Variants in PLAGL1 observed in about 807,000 individuals in gnomAD.
PLAGL1 encodes PLAG1 like zinc finger 1.
A neutral mutation model predicts 4.6 loss-of-function variants in PLAGL1; 1 was observed. The observed-to-expected ratio is 0.22, with a 90% confidence interval of 0.08 to 1.03. PLAGL1 has a LOEUF of 1.03. Among genes scored for constraint, PLAGL1 ranks in the 50% least tolerant of loss-of-function variants. The pLI is 0.58. For synonymous variants in PLAGL1, 240 were observed against 237.8 expected, an observed-to-expected ratio of 1.01 and a Z score of -0.08; for missense variants, 464 against 570.4, an observed-to-expected ratio of 0.81 and a Z score of 1.90.
At chr6:143,988,454 G>A (rs1362172628) in intron 1 of PLAGL1, among the ~76,000 whole-genome samples, 1 of 152,200 alleles carries the variant, frequency 6.6e-6, no homozygotes, top group African/African-American at 2.4e-5. Context: ...AGGTTCTGGA[G>A]GAGGAAACCA....
chr6:144,022,421 A>G lies in PLAGL1; in HGVS notation c.-151+42047T>C, dbSNP rs1210645434. On this transcript the variant is annotated intron_variant, in intron 1 of 3. Transcript: ENST00000437412. This position sits in a 1 kb window ranked among gnomAD's most constrained non-coding sequence, Gnocchi z 4.2. ...TAACAAGGATGCAGAGCAACAATCC[A>G]TCATTGGTGATGGGAATGCAAAATG... is the stretch of plus-strand genomic sequence containing the variant. Among the ~76,000 whole-genome samples the G allele has an allele frequency of 6.6e-6, 1 of 152,260 alleles. No individual in the cohort carries two copies. The highest frequency in any genetic ancestry group is 2.4e-5 in the African/African-American group (1 of 41,474).
intron 1 of PLAGL1, among the ~76,000 whole-genome samples, chr6:144,021,874 A>G (rs1424284008): frequency 6.6e-6 from 1 of 152,258 alleles, no homozygotes; most frequent in East Asian, 1.9e-4. Context: ...TCAGGTAGTC[A>G]TGGAATCATA....
upstream of PLAGL1, among the ~76,000 whole-genome samples, chr6:144,011,532 G>A (rs1795183433): frequency 6.6e-6 from 1 of 152,058 alleles, no homozygotes; most frequent in Non-Finnish European, 1.5e-5. This position sits in a 1 kb window ranked among gnomAD's most constrained non-coding sequence, Gnocchi z 4.3. Context: ...AGTTATTCTA[G>A]ATCAATTTTT....
chr6:144,042,042 T>C (rs960534388), intron 1 of PLAGL1, among the ~76,000 whole-genome samples: 1 of 152,220 alleles, frequency 6.6e-6, no homozygotes, highest in Non-Finnish European at 1.5e-5. Context: ...TTTTTTCTTG[T>C]AAATTTGAGT....
At chr6:143,956,341 G>C (rs908385098) in intron 6 of PLAGL1, among the ~76,000 whole-genome samples, 2 of 152,164 alleles carry the variant, frequency 1.3e-5, no homozygotes, top group Non-Finnish European at 2.9e-5. Context: ...GCAGCCTTGT[G>C]GGGGCATGGA....
rs148574153 is a variant in PLAGL1, at chr6:144,062,592, T to A, written c.-151+1876A>T. On this transcript the variant is annotated intron_variant, in intron 1 of 3. Coordinates refer to the PLAGL1 transcript ENST00000437412. ...CCTGTTTTTGCCTCCCTTGGATGCT[T>A]TTCCCCCCAAACCTAGGGAGCTGCC... 2.5e-3 allele frequency among the ~76,000 whole-genome samples: 386 copies of A among 152,130 alleles called. 3 individuals carry two copies. Among genetic ancestry groups the A allele is most frequent in the African/African-American group, 8.9e-3 (371 of 41,494 alleles).
chr6:143,957,252 C>G lies in PLAGL1; in HGVS notation c.-325+3217G>C, dbSNP rs548849890. Among the ~76,000 whole-genome samples the G allele has an allele frequency of 1.6e-3, 243 of 152,306 alleles. No homozygotes were observed. The highest frequency in any genetic ancestry group is 2.7e-3 in the Non-Finnish European group (187 of 68,030). ...GGTTCTCAAGCTGAGATGGGACTGC[C>G]TTGTTTGAAGAGGACTATTTATGAA... On this transcript the variant is annotated intron_variant, in intron 6 of 7. Coordinates refer to ENST00000674357, the MANE Select transcript of PLAGL1 (RefSeq NM_001317162.2). The surrounding 1 kb of genome is among the most constrained non-coding windows in gnomAD (Gnocchi z 4.2).
At chr6:144,037,319 T>C (rs1190715398) in intron 1 of PLAGL1, 1 of 152,852 alleles carries the variant, frequency 6.5e-6, no homozygotes, top group Non-Finnish European at 1.5e-5. Context: ...GGCTCACATC[T>C]GTAATCCCAA....
chr6:144,039,294 T>G lies in PLAGL1; in HGVS notation c.-151+25174A>C, dbSNP rs1341813897. ...CATCAGATAATGAAATTTTAAAATA[T>G]CACATGCTGGCCAGATGCAGTGGCT... is the stretch of plus-strand genomic sequence containing the variant. On this transcript the variant is annotated intron_variant, in intron 1 of 3. Coordinates refer to the PLAGL1 transcript ENST00000437412. This position sits in a 1 kb window ranked among gnomAD's most constrained non-coding sequence, Gnocchi z 4.1. 6.6e-6 allele frequency among the ~76,000 whole-genome samples: 1 copy of G among 152,174 alleles called. No individual in the cohort carries two copies. The highest frequency in any genetic ancestry group is 1.5e-5 in the Non-Finnish European group (1 of 68,034).
At chr6:144,009,958 G>A, upstream of PLAGL1, among the ~76,000 whole-genome samples, 1 of 152,258 alleles carries the variant, frequency 6.6e-6, no homozygotes, top group African/African-American at 2.4e-5. Flanking sequence ...TTGCTATTGT[G>A]AATAGTGCTT....
intron 1 of PLAGL1, chr6:144,007,656 T>C (rs951578476): frequency 6.6e-6 from 1 of 152,212 alleles, no homozygotes; most frequent in Non-Finnish European, 1.5e-5. Context: ...CAGTCTGTAA[T>C]ACTAAAGCAT....
chr6:143,968,476 A>G lies in PLAGL1; in HGVS notation c.-472+431T>C, dbSNP rs1366096082. ...ACCCTACCTCAGTTTTTTTTTTCCTAATATTTCTTTAAGATAAAACCATTT... is the reference window on the plus strand; with the variant it reads ...ACCCTACCTCAGTTTTTTTTTTCCTGATATTTCTTTAAGATAAAACCATTT... On this transcript the variant is annotated intron_variant, in intron 3 of 7. Coordinates refer to ENST00000674357, the MANE Select transcript of PLAGL1 (RefSeq NM_001317162.2). The surrounding 1 kb of genome is among the most constrained non-coding windows in gnomAD (Gnocchi z 6.3). 2 of 151,876 alleles carry G rather than the reference A, an allele frequency of 1.3e-5. No homozygotes were observed. The highest frequency in any genetic ancestry group is 2.9e-5 in the Non-Finnish European group (2 of 67,958). The allele number at this position is 151,876 out of a possible 1,614,324, so 9.4% of individuals were successfully genotyped here.
At chr6:144,042,600 G>A (rs1797827421) in intron 1 of PLAGL1, among the ~76,000 whole-genome samples, 1 of 152,190 alleles carries the variant, frequency 6.6e-6, no homozygotes, top group Admixed American at 6.5e-5. Context: ...TTTGAAGTCA[G>A]GTAGCGTGAT....
rs1475480259 is a variant in PLAGL1, at chr6:144,027,315, A to C, written c.-151+37153T>G. On this transcript the variant is annotated intron_variant, in intron 1 of 3. Coordinates refer to the PLAGL1 transcript ENST00000437412. The surrounding 1 kb of genome is among the most constrained non-coding windows in gnomAD (Gnocchi z 5.8). ...AGAAAGTTATTTGATCTGAAGTACAATGTCTTTAAGAAGTGAAATCTGTAA... is the reference window on the plus strand; with the variant it reads ...AGAAAGTTATTTGATCTGAAGTACACTGTCTTTAAGAAGTGAAATCTGTAA... Among the ~76,000 whole-genome samples the C allele has an allele frequency of 6.6e-6, 1 of 150,580 alleles. No individual in the cohort carries two copies. Among genetic ancestry groups the C allele is most frequent in the Non-Finnish European group, 1.5e-5 (1 of 67,686 alleles).
chr6:144,032,121 ATTT>A (rs111598351), intron 1 of PLAGL1, among the ~76,000 whole-genome samples: 1 of 142,324 alleles, frequency 7.0e-6, no homozygotes. Context: ...AACTTATTGC[ATTT>A]TTTTTTTTTT....
Position 143,947,414 on chromosome 6 carries a change from A to G in PLAGL1, c.152+571T>C, listed in dbSNP as rs552786573. Among the ~76,000 whole-genome samples, 2 of 152,252 alleles carry G rather than the reference A, an allele frequency of 1.3e-5. No individual in the cohort carries two copies. Among genetic ancestry groups the G allele is most frequent in the African/African-American group, 4.8e-5 (2 of 41,554 alleles). ...ACTAAACGAATCATATTTCTTCACT[A>G]CTTATACACCTGAATGAGACAAACC... On this transcript the variant is annotated intron_variant, in intron 7 of 7. Transcript: ENST00000674357. The surrounding 1 kb of genome is among the most constrained non-coding windows in gnomAD (Gnocchi z 4.3).
At position 143,962,561 on chromosome 6, in the gene PLAGL1, A is replaced by C. The variant is rs1013965418; in HGVS notation, c.-398-2019T>G. On this transcript the variant is annotated intron_variant, in intron 5 of 7. Coordinates refer to ENST00000674357, the MANE Select transcript of PLAGL1 (RefSeq NM_001317162.2). The surrounding 1 kb of genome is among the most constrained non-coding windows in gnomAD (Gnocchi z 5.3). ...GATGACAAAAACCAAAGTTTCATAG[A>C]GTGTATGAGTTCCAGGATGTGTTTT... Among the ~76,000 whole-genome samples the C allele has an allele frequency of 1.3e-5, 2 of 152,322 alleles. No homozygotes were observed. The highest frequency in any genetic ancestry group is 1.9e-4 in the East Asian group (1 of 5,186).
chr6:144,009,234 C>A (rs1884403), upstream of PLAGL1, among the ~76,000 whole-genome samples: 1 of 152,224 alleles, frequency 6.6e-6, no homozygotes, highest in Non-Finnish European at 1.5e-5. Flanking sequence ...AGAACATTTG[C>A]AATTGCTCTG....
In PLAGL1 at chr6:144,027,046, C is replaced by T. The variant is rs2128703726; in HGVS notation, c.-151+37422G>A. On this transcript the variant is annotated intron_variant, in intron 1 of 3. Coordinates refer to the PLAGL1 transcript ENST00000437412. This position sits in a 1 kb window ranked among gnomAD's most constrained non-coding sequence, Gnocchi z 5.8. ...GGGTAAAAAAGTAAGACCCCACCCC[C>T]CGACTCTACAAAAACAAAATTAAAA... Among the ~76,000 whole-genome samples, 1 of 151,848 alleles carries T rather than the reference C, an allele frequency of 6.6e-6. No homozygotes were observed. The highest frequency in any genetic ancestry group is 2.1e-4 in the South Asian group (1 of 4,806).
Sources: gnomAD v4.1 joint callset for allele counts (sites outside exome capture counted in the v4.1 genomes callset) on GRCh38, gnomAD v4.1.1 for gene constraint, Gnocchi (gnomAD v3.1) non-coding constraint, MANE v1.5 for transcripts, NCBI Gene and HGNC (gene_info 2026-07-23, HGNC 2026-07-21) for gene names.